PCGF6: variants seen among roughly 807,000 people sequenced by gnomAD.
PCGF6 encodes polycomb group ring finger 6, also known as polycomb group RING finger protein 6.
A neutral mutation model predicts 45.5 loss-of-function variants in PCGF6; 24 were observed. The ratio of observed to expected loss-of-function variants is 0.53; its 90% CI spans 0.38 to 0.74. The LOEUF (loss-of-function observed/expected upper bound fraction) is 0.74, where lower values mean the gene tolerates loss of function less well. PCGF6 is among the 30% of genes least tolerant of loss of function. The pLI, the probability that PCGF6 is intolerant of heterozygous loss-of-function variation, is 0.00. For missense variants in PCGF6, 356 were observed against 443.2 expected, an observed-to-expected ratio of 0.80 and a Z score of 1.77; for synonymous variants, 152 against 162.1, an observed-to-expected ratio of 0.94 and a Z score of 0.47.
chr10:103,313,981 T>C (rs1190663986), intron 9 of PCGF6, among the ~76,000 whole-genome samples: 2 of 152,164 alleles, frequency 1.3e-5, no homozygotes, highest in East Asian at 1.9e-4. Context: ...AGAATAATTA[T>C]GAAGAATAAA....
At chr10:103,350,498 C>A (rs2093316856) in intron 1 of PCGF6, among the ~76,000 whole-genome samples, 1 of 152,198 alleles carries the variant, frequency 6.6e-6, no homozygotes, top group African/African-American at 2.4e-5. Flanking sequence ...GCAAGAACTT[C>A]ACAAAATAAG....
chr10:103,316,472 A>G (rs988894808), intron 8 of PCGF6, among the ~76,000 whole-genome samples: 3 of 152,216 alleles, frequency 2.0e-5, no homozygotes, highest in Non-Finnish European at 1.5e-5. Flanking sequence ...TGAATTAGGT[A>G]ACTACAATTC....
intron 5 of PCGF6, among the ~76,000 whole-genome samples, chr10:103,346,222 T>G (rs1335416521): frequency 6.8e-6 from 1 of 146,772 alleles, no homozygotes; most frequent in African/African-American, 2.5e-5. Flanking sequence ...CCAGGCGCGG[T>G]GGCTCACGCC....
intron 8 of PCGF6, among the ~76,000 whole-genome samples, chr10:103,316,043 GAT>G (rs1337227737): frequency 2.8e-5 from 4 of 143,010 alleles, no homozygotes; most frequent in Non-Finnish European, 4.6e-5. Flanking sequence ...GAGAGAGAGA[GAT>G]ATCTCACTTA....
rs1232694277 is a variant in PCGF6, at chr10:103,319,440, C to A, written c.910-5168G>T. Among the ~76,000 whole-genome samples, 3 of 152,054 alleles carry A rather than the reference C, an allele frequency of 2.0e-5. No individual in the cohort carries two copies. The South Asian group carries it at 6.2e-4, about 32-fold the overall frequency. The stretch of plus-strand genomic sequence containing the variant: ...TGCTGGGATTACAAGCGTGAGCCAC[C>A]GGACCTGGCCATACATACTCTTCTT... On this transcript the variant is annotated intron_variant, in intron 8 of 9. Coordinates refer to ENST00000369847, the MANE Select transcript of PCGF6 (RefSeq NM_001011663.2).
intron 8 of PCGF6, among the ~76,000 whole-genome samples, chr10:103,323,680 C>T (rs1237684792): frequency 6.6e-6 from 1 of 151,386 alleles, no homozygotes; most frequent in Non-Finnish European, 1.5e-5. Context: ...GCAATCTCCA[C>T]CTCCCGGGTA....
chr10:103,330,025 C>T (rs1281142161), intron 7 of PCGF6, among the ~76,000 whole-genome samples: 3 of 151,874 alleles, frequency 2.0e-5, no homozygotes, highest in Non-Finnish European at 4.4e-5. Context: ...GCCTCAGCCT[C>T]CCAAAGTGCT....
chr10:103,326,198 CCA>C (rs201765840), intron 8 of PCGF6, among the ~76,000 whole-genome samples: 7,483 of 151,510 alleles, frequency 0.049, 619 homozygotes, highest in African/African-American at 0.17. Flanking sequence ...GAGATCGAGA[CCA>C]CAGTGAAACC....
chr10:103,328,949 G>A (rs2093229432), intron 7 of PCGF6, among the ~76,000 whole-genome samples: 1 of 151,818 alleles, frequency 6.6e-6, no homozygotes, highest in Admixed American at 6.6e-5. Context: ...GTTTCACTGT[G>A]TTAGCCAGGA....
intron 7 of PCGF6, among the ~76,000 whole-genome samples, chr10:103,327,776 G>T (rs917491502): frequency 1.3e-5 from 2 of 151,530 alleles, no homozygotes; most frequent in Non-Finnish European, 2.9e-5. Context: ...CCGGGTTCAC[G>T]CTATTCTCCT....
intron 6 of PCGF6, among the ~76,000 whole-genome samples, chr10:103,343,832 C>CAAAA (rs71019677): frequency 3.1e-5 from 1 of 32,476 alleles, no homozygotes; most frequent in South Asian, 2.1e-3. Context: ...AACTCTGTCT[C>CAAAA]AAAAAAAAAA....
intron 3 of PCGF6, among the ~76,000 whole-genome samples, 158 bp from the exon 4 acceptor site, chr10:103,347,608 C>G (rs1208613432): frequency 6.6e-6 from 1 of 152,160 alleles, no homozygotes; most frequent in East Asian, 1.9e-4. Flanking sequence ...ATAACTCACT[C>G]AAGAAAACCT....
At chr10:103,349,797 T>A (rs960640678) in intron 1 of PCGF6, among the ~76,000 whole-genome samples, 3 of 150,248 alleles carry the variant, frequency 2.0e-5, no homozygotes, top group Non-Finnish European at 3.0e-5. Context: ...CAAAAGGATC[T>A]TTACGCTGGG....
At chr10:103,322,837 A>C (rs565256008) in intron 8 of PCGF6, among the ~76,000 whole-genome samples, 8 of 151,316 alleles carry the variant, frequency 5.3e-5, no homozygotes, top group African/African-American at 7.3e-5. Flanking sequence ...CACACACACA[A>C]AAAGTCCAGC....
intron 9 of PCGF6, among the ~76,000 whole-genome samples, chr10:103,307,429 C>G (rs1349228953): frequency 6.6e-6 from 1 of 151,960 alleles, no homozygotes; most frequent in Non-Finnish European, 1.5e-5. Context: ...ACGACAAGAC[C>G]ACACAGCAAG....
chr10:103,342,478 C>T (rs1271416328), intron 6 of PCGF6, among the ~76,000 whole-genome samples: 1 of 152,112 alleles, frequency 6.6e-6, no homozygotes, highest in Non-Finnish European at 1.5e-5. Context: ...GGGTAATCTG[C>T]CCGCCTCGGC....
chr10:103,314,490 C>G (rs1481302516), intron 8 of PCGF6, among the ~76,000 whole-genome samples: 1 of 152,090 alleles, frequency 6.6e-6, no homozygotes, highest in Non-Finnish European at 1.5e-5. Flanking sequence ...GACAACAGCA[C>G]AGTATAATTG....
At chr10:103,322,739 G>T (rs1362512109) in intron 8 of PCGF6, among the ~76,000 whole-genome samples, 1 of 151,902 alleles carries the variant, frequency 6.6e-6, no homozygotes, top group African/African-American at 2.4e-5. Flanking sequence ...CAGGAGAATT[G>T]CTGGAACCCG....
intron 8 of PCGF6, among the ~76,000 whole-genome samples, chr10:103,321,941 G>C (rs2093199200): frequency 6.6e-6 from 1 of 150,728 alleles, no homozygotes; most frequent in Non-Finnish European, 1.5e-5. Flanking sequence ...TGTCACCCAG[G>C]CTGGAGTGCA....
Sources: gnomAD v4.1 joint callset for allele counts (sites outside exome capture counted in the v4.1 genomes callset) on GRCh38, gnomAD v4.1.1 for gene constraint, MANE v1.5 for transcripts, NCBI Gene and HGNC (gene_info 2026-07-23, HGNC 2026-07-21) for gene names.